AIMP1: variants seen among roughly 807,000 people sequenced by gnomAD.
AIMP1 encodes the protein aminoacyl tRNA synthase complex-interacting multifunctional protein 1.
In AIMP1, 24 loss-of-function variants were observed where a neutral mutation model predicts 33.1. That is an observed-to-expected ratio of 0.73 (90% CI 0.53 to 1.02). The LOEUF is 1.02. AIMP1 is among the 50% of genes least tolerant of loss of function. The pLI, the probability that AIMP1 is intolerant of heterozygous loss-of-function variation, is 0.00. For missense variants in AIMP1, 367 were observed against 364.8 expected, an observed-to-expected ratio of 1.01 and a Z score of -0.05; for synonymous variants, 120 against 121.5, an observed-to-expected ratio of 0.99 and a Z score of 0.08.
rs184669067 is a variant in AIMP1 at position 106,326,704 on chromosome 4, T to A, written c.110-747T>A. ...GTGTGGTAACATCTCAGAATTTTTT[T>A]AAAAATATATATATAATTTAATATA... On this transcript the variant is annotated intron_variant, in intron 2 of 6. Transcript: ENST00000672341. Among the ~76,000 whole-genome samples, 207 of 152,142 alleles carry A rather than the reference T, an allele frequency of 1.4e-3. 3 individuals carry two copies. The highest frequency in any genetic ancestry group is 2.9e-3 in the South Asian group (14 of 4,828).
chr4:106,324,942 A>G, intron 1 of AIMP1, 43 bp from the exon 2 acceptor site: 1 of 1,508,016 alleles, frequency 6.6e-7, no homozygotes, highest in Middle Eastern at 2.3e-4. Flanking sequence ...GTATAAATTT[A>G]TTCCTTTCAC....
At chr4:106,325,582 GATATA>G (rs1404907114) in intron 2 of AIMP1, among the ~76,000 whole-genome samples, 12 of 151,986 alleles carry the variant, frequency 7.9e-5, no homozygotes, top group East Asian at 7.7e-4. Flanking sequence ...TTGCTCATAT[GATATA>G]ATATATGTTG....
intron 1 of AIMP1, among the ~76,000 whole-genome samples, chr4:106,322,414 T>A (rs1057100890): frequency 6.6e-6 from 1 of 152,212 alleles, no homozygotes; most frequent in Non-Finnish European, 1.5e-5. Context: ...TAGTGATCAT[T>A]ATCTGCATGT....
chr4:106,325,117 A>G lies in AIMP1; in HGVS notation c.108A>G (p.Ala36=). ...KQQVSLLKEK[A]ILQATLREEK... ...AAGTTTCTCTACTTAAGGAGAAAGCAAGTAAGAAAATTTAAAATTTTTTGA... is the reference window on the plus strand; with the variant it reads ...AAGTTTCTCTACTTAAGGAGAAAGCGAGTAAGAAAATTTAAAATTTTTTGA... The change falls in exon 2 of 7, where the codon GCA becomes GCG. Residue 36 remains alanine, a splice_region_variant and synonymous_variant. Transcript: ENST00000672341. 1 of 1,610,048 alleles carries G rather than the reference A, an allele frequency of 6.2e-7. No individual in the cohort carries two copies. The highest frequency in any genetic ancestry group is 8.5e-7 in the Non-Finnish European group (1 of 1,177,702).
intron 1 of AIMP1, chr4:106,321,530 TGAG>T (rs1004307924): frequency 1.3e-5 from 2 of 154,710 alleles, no homozygotes; most frequent in Non-Finnish European, 2.8e-5. Context: ...GTCTGGGAAG[TGAG>T]GAGCGTTTCC....
chr4:106,327,129 G>C (rs1446496359), intron 2 of AIMP1, among the ~76,000 whole-genome samples: 1 of 152,146 alleles, frequency 6.6e-6, no homozygotes, highest in Non-Finnish European at 1.5e-5. Flanking sequence ...ATTTGCCATT[G>C]CCTTTTATTA....
intron 6 of AIMP1, among the ~76,000 whole-genome samples, chr4:106,343,180 A>T (rs1222074791): frequency 6.6e-6 from 1 of 152,044 alleles, no homozygotes; most frequent in Non-Finnish European, 1.5e-5. Context: ...TGTGTTTCTA[A>T]GAATTTATCA....
At chr4:106,324,067 T>C (rs567392160) in intron 1 of AIMP1, among the ~76,000 whole-genome samples, 205 of 152,182 alleles carry the variant, frequency 1.3e-3, no homozygotes, top group Non-Finnish European at 2.4e-3. Flanking sequence ...ATTGGTATTA[T>C]ATAATAATTT....
chr4:106,322,714 A>G (rs1769308946), intron 1 of AIMP1, among the ~76,000 whole-genome samples: 1 of 152,234 alleles, frequency 6.6e-6, no homozygotes, highest in East Asian at 1.9e-4. Flanking sequence ...CGCCAGTGCA[A>G]TGGCTCACAC....
In AIMP1 at chr4:106,331,869, G is replaced by C; in HGVS notation, c.589G>C (p.Val197Leu). 1 of 1,614,028 alleles carries C rather than the reference G, an allele frequency of 6.2e-7. No individual in the cohort carries two copies. Among genetic ancestry groups the C allele is most frequent in the Non-Finnish European group, 8.5e-7 (1 of 1,179,926 alleles). Residue 197 changes from valine to leucine, a missense_variant, in exon 5 of 7, where the codon GTT becomes CTT. Transcript: ENST00000672341. ...RTVVSGLVNHVPLEQMQNRMV... is the reference protein window; with the variant it reads ...RTVVSGLVNHLPLEQMQNRMV... ...AGTTGTCAGTGGCCTGGTGAATCAT[G>C]TTCCTCTTGAACAGGTAATCTGTAC...
intron 4 of AIMP1, among the ~76,000 whole-genome samples, chr4:106,330,144 TTA>T (rs1769620103): frequency 6.6e-6 from 1 of 152,176 alleles, no homozygotes; most frequent in South Asian, 2.1e-4. Flanking sequence ...CTGAAATTCC[TTA>T]TGATAATTAA....
At chr4:106,318,026 G>A (rs1478183850) in intron 1 of AIMP1, among the ~76,000 whole-genome samples, 1 of 152,076 alleles carries the variant, frequency 6.6e-6, no homozygotes, top group Non-Finnish European at 1.5e-5. Flanking sequence ...GAAATGCATG[G>A]ACTGGCCTCT....
rs115326320 is a variant in AIMP1 at position 106,329,055 on chromosome 4, T to G, written c.391+812T>G. ...TAAACTTATTTACTTTTTTTTTTTT[T>G]TTTTGGAAAATATAACATGCAGAGG... On this transcript the variant is annotated intron_variant, in intron 4 of 6. Transcript: ENST00000672341. 3.9e-3 allele frequency among the ~76,000 whole-genome samples: 595 copies of G among 151,830 alleles called. 3 individuals carry two copies. The highest frequency in any genetic ancestry group is 0.013 in the African/African-American group (531 of 41,468).
intron 6 of AIMP1, 49 bp downstream of exon 6, chr4:106,337,086 A>T (rs1429149470): frequency 6.5e-7 from 1 of 1,528,608 alleles, no homozygotes; most frequent in South Asian, 1.1e-5. Context: ...CAGTTCTCAA[A>T]GTGATGTTTG....
At chr4:106,346,572 C>G (rs1164001352) in intron 6 of AIMP1, among the ~76,000 whole-genome samples, 1 of 152,104 alleles carries the variant, frequency 6.6e-6, no homozygotes, top group African/African-American at 2.4e-5. Flanking sequence ...TTCTTTACAT[C>G]TCACCGAGTA....
At position 106,331,865 on chromosome 4, in the gene AIMP1, T is replaced by C. The variant is rs1769694013; in HGVS notation, c.585T>C (p.Asn195=). Residue 195 remains asparagine, a synonymous_variant, in exon 5 of 7, where the codon AAT becomes AAC. Coordinates refer to ENST00000672341, the MANE Select transcript of AIMP1 (RefSeq NM_001142416.2). ...GGACAGTTGTCAGTGGCCTGGTGAA[T>C]CATGTTCCTCTTGAACAGGTAATCT... ...APRTVVSGLV[N]HVPLEQMQNR... 5 of 1,613,988 alleles carry C rather than the reference T, an allele frequency of 3.1e-6. No homozygotes were observed. Among genetic ancestry groups the C allele is most frequent in the African/African-American group, 2.7e-5 (2 of 74,926 alleles).
intron 1 of AIMP1, among the ~76,000 whole-genome samples, chr4:106,320,940 G>A (rs992026226): frequency 2.6e-5 from 4 of 152,242 alleles, no homozygotes; most frequent in South Asian, 2.1e-4. Flanking sequence ...TGGAGACGGG[G>A]TTTCACCGTG....
chr4:106,328,183 G>A lies in AIMP1; in HGVS notation c.331G>A (p.Glu111Lys). Reference sequence around the variant, plus strand: ...AACAACCGTATCTTCTGGTACCAAAGAACAGATAAAAGGAGGAACAGGAGA... The same window carrying A: ...AACAACCGTATCTTCTGGTACCAAAAAACAGATAAAAGGAGGAACAGGAGA... ...AVTTVSSGTK[E>K]QIKGGTGDEK... The change falls in exon 4 of 7, where the codon GAA (glutamate) becomes AAA (lysine). Residue 111 changes from glutamate (E) to lysine (K), a missense_variant. By Grantham distance (56) the Glu-to-Lys change is moderately conservative. Coordinates refer to ENST00000672341, the MANE Select transcript of AIMP1 (RefSeq NM_001142416.2). 6.2e-7 allele frequency: 1 copy of A among 1,613,034 alleles called. No individual in the cohort carries two copies. The highest frequency in any genetic ancestry group is 8.5e-7 in the Non-Finnish European group (1 of 1,179,402).
In AIMP1 at chr4:106,325,050, A is replaced by G. The variant is rs1003338857; in HGVS notation, c.41A>G (p.Lys14Arg). 22 of 1,612,850 alleles carry G rather than the reference A, an allele frequency of 1.4e-5. No individual in the cohort carries two copies. The highest frequency in any genetic ancestry group is 1.8e-5 in the Non-Finnish European group (21 of 1,179,276). Residue 14 changes from lysine (K) to arginine (R), a missense_variant, in exon 2 of 7, where the codon AAG (lysine) becomes AGG (arginine). By Grantham distance (26) the Lys-to-Arg change is conservative (BLOSUM62 2). Coordinates refer to ENST00000672341, the MANE Select transcript of AIMP1 (RefSeq NM_001142416.2). Reference sequence around the variant, plus strand: ...GCTGTTCTGAAGAGACTGGAGCAGAAGGGTGCAGAGGCAGATCAAATCATT... The same window carrying G: ...GCTGTTCTGAAGAGACTGGAGCAGAGGGGTGCAGAGGCAGATCAAATCATT... The part of the protein sequence containing the change: ...NDAVLKRLEQ[K>R]GAEADQIIEY...
Sources: gnomAD v4.1 joint callset for allele counts (sites outside exome capture counted in the v4.1 genomes callset) on GRCh38, gnomAD v4.1.1 for gene constraint, MANE v1.5 for transcripts, NCBI Gene and HGNC (gene_info 2026-07-23, HGNC 2026-07-21) for gene names.